The following OPCML variants were observed in gnomAD, a reference collection of about 807,000 sequenced individuals.
OPCML encodes the protein opioid binding protein/cell adhesion molecule like.
Under a neutral mutation model 37.8 loss-of-function variants are expected in OPCML, and 13 were observed. That is an observed-to-expected ratio of 0.34 (90% CI 0.22 to 0.55). The LOEUF is 0.55. Ranked by LOEUF, OPCML falls within the 20% of genes least tolerant of loss-of-function variation. The pLI is 0.91. For synonymous variants in OPCML, 176 were observed against 168.8 expected (o/e 1.04, Z -0.33); for missense variants, 341 against 435.6 (o/e 0.78, Z 1.93).
chr11:133,478,161 A>C (rs1947284648), intron 1 of OPCML, among the ~76,000 whole-genome samples: 1 of 152,158 alleles, frequency 6.6e-6, no homozygotes, highest in South Asian at 2.1e-4. Flanking sequence ...AGAATCCCCA[A>C]ACCCCTGGAG....
chr11:133,326,473 T>C (rs1465652170), intron 1 of OPCML, among the ~76,000 whole-genome samples: 2 of 110,516 alleles, frequency 1.8e-5, no homozygotes, highest in South Asian at 3.4e-4. Flanking sequence ...GGTGTGTGTG[T>C]ATGTGTATGA....
chr11:133,109,536 C>T (rs1949219253), intron 1 of OPCML, among the ~76,000 whole-genome samples: 1 of 152,170 alleles, frequency 6.6e-6, no homozygotes, highest in Non-Finnish European at 1.5e-5. Context: ...TTACAATCCC[C>T]TTGCTAGCTA....
At chr11:133,076,658 C>G (rs879693352) in intron 1 of OPCML, among the ~76,000 whole-genome samples, 2 of 152,088 alleles carry the variant, frequency 1.3e-5, no homozygotes, top group African/African-American at 4.8e-5. Flanking sequence ...GACACCCCAC[C>G]CCCCGCATAG....
chr11:133,029,470 C>T (rs1213962025), intron 1 of OPCML, among the ~76,000 whole-genome samples: 5 of 152,258 alleles, frequency 3.3e-5, no homozygotes, highest in East Asian at 1.9e-4. Context: ...GAATCAACCT[C>T]GGTGCCCAGC....
chr11:132,605,609 T>G (rs1438464809), intron 3 of OPCML, among the ~76,000 whole-genome samples: 2 of 148,814 alleles, frequency 1.3e-5, no homozygotes, highest in Non-Finnish European at 2.9e-5. Context: ...CACCACTAAC[T>G]GGTGTCCTTC....
At chr11:133,042,176 A>C (rs976188788) in intron 1 of OPCML, among the ~76,000 whole-genome samples, 18 of 152,298 alleles carry the variant, frequency 1.2e-4, no homozygotes, top group African/African-American at 1.9e-4. Context: ...CTGGCACTGC[A>C]CAGCTGCAGC....
chr11:133,079,472 G>C (rs910834191), intron 1 of OPCML, among the ~76,000 whole-genome samples: 21 of 152,064 alleles, frequency 1.4e-4, no homozygotes, highest in African/African-American at 5.1e-4. Flanking sequence ...TCTCAGATCT[G>C]ATTTCCTTTC....
At chr11:132,549,615 G>A (rs1479543104) in intron 3 of OPCML, among the ~76,000 whole-genome samples, 1 of 152,212 alleles carries the variant, frequency 6.6e-6, no homozygotes, top group Admixed American at 6.5e-5. Context: ...TTCTAACAAA[G>A]AGTAGCCTGT....
intron 1 of OPCML, among the ~76,000 whole-genome samples, chr11:133,503,246 C>T (rs1035205134): frequency 4.6e-5 from 7 of 152,126 alleles, no homozygotes; most frequent in Admixed American, 2.6e-4. Context: ...ATGTTGTTTC[C>T]CTGGCCCTAT....
chr11:132,854,183 AT>A, intron 2 of OPCML, among the ~76,000 whole-genome samples: 1 of 152,262 alleles, frequency 6.6e-6, no homozygotes, highest in Non-Finnish European at 1.5e-5. Flanking sequence ...TAATACAGGG[AT>A]TTTTTTAAAG....
chr11:132,977,172 T>C (rs952848938), intron 1 of OPCML, among the ~76,000 whole-genome samples: 2 of 152,246 alleles, frequency 1.3e-5, no homozygotes, highest in Admixed American at 6.5e-5. Flanking sequence ...GTGAAAGTGT[T>C]TTGTCATTTG....
chr11:133,227,662 C>G (rs1408233194), intron 1 of OPCML, among the ~76,000 whole-genome samples: 2 of 152,158 alleles, frequency 1.3e-5, no homozygotes, highest in African/African-American at 4.8e-5. Context: ...GTTCCATTCT[C>G]CCCCTCAGGC....
rs71477765 is a variant in OPCML at position 132,570,755 on chromosome 11, GTATATATATATATATATATA to G, written c.380-41589_380-41570del. Among the ~76,000 whole-genome samples, 204 of 30,114 alleles carry G rather than the reference GTATATATATATATATATATA, an allele frequency of 6.8e-3. 6 individuals are homozygous for G. The highest frequency in any genetic ancestry group is 0.017 in the African/African-American group (155 of 8,858). 19.8% of individuals were successfully genotyped at this position (30,114 alleles called of 152,430 possible). On this transcript the variant is annotated intron_variant, in intron 3 of 7. Coordinates refer to ENST00000524381, the MANE Select transcript of OPCML (RefSeq NM_001012393.5). Reference sequence around the variant, plus strand: ...CTCAGGGGAATAGGCAGGAAAGAGAGTATATATATATATATATATATATATATATATATATATATATATAT... The same window carrying G: ...CTCAGGGGAATAGGCAGGAAAGAGAGTATATATATATATATATATATATAT...
intron 2 of OPCML, among the ~76,000 whole-genome samples, chr11:132,773,932 T>G (rs1488805706): frequency 1.3e-5 from 2 of 152,148 alleles, no homozygotes; most frequent in African/African-American, 4.8e-5. Context: ...ACATGCACAT[T>G]TTAATTGAGT....
chr11:133,019,572 G>A (rs1439619049), intron 1 of OPCML, among the ~76,000 whole-genome samples: 1 of 152,152 alleles, frequency 6.6e-6, no homozygotes, highest in Non-Finnish European at 1.5e-5. Context: ...TGGGGAAGAA[G>A]GTCTTTCAGC....
At chr11:133,343,539 C>T (rs1341500921) in intron 1 of OPCML, among the ~76,000 whole-genome samples, 1 of 152,094 alleles carries the variant, frequency 6.6e-6, no homozygotes, top group Non-Finnish European at 1.5e-5. Context: ...GCGTTTTCAA[C>T]CCTGGGAGTG....
intron 1 of OPCML, among the ~76,000 whole-genome samples, chr11:133,259,574 C>T (rs1210516847): frequency 6.6e-6 from 1 of 152,160 alleles, no homozygotes; most frequent in African/African-American, 2.4e-5. Flanking sequence ...CCAAGTATTT[C>T]CATCTAAGCA....
intron 1 of OPCML, among the ~76,000 whole-genome samples, chr11:133,087,353 G>A (rs926029256): frequency 6.6e-6 from 1 of 152,042 alleles, no homozygotes; most frequent in Admixed American, 6.6e-5. Flanking sequence ...TATACTGTGC[G>A]ATGCTGAGGT....
At chr11:133,495,984 G>A (rs1477636811) in intron 1 of OPCML, among the ~76,000 whole-genome samples, 5 of 152,146 alleles carry the variant, frequency 3.3e-5, no homozygotes, top group Non-Finnish European at 7.4e-5. Context: ...CTAAGCCAAT[G>A]TCTGGAAGGG....
Sources: gnomAD v4.1 joint callset for allele counts (sites outside exome capture counted in the v4.1 genomes callset) on GRCh38, gnomAD v4.1.1 for gene constraint, MANE v1.5 for transcripts, NCBI Gene and HGNC (gene_info 2026-07-23, HGNC 2026-07-21) for gene names.